The following MTCH2 variants were observed in gnomAD, a reference collection of about 807,000 sequenced individuals.
The protein encoded by MTCH2 is mitochondrial carrier homolog 2.
In MTCH2, 25 loss-of-function variants were observed where a neutral mutation model predicts 50.6. The observed-to-expected ratio is 0.49, with a 90% confidence interval of 0.36 to 0.69. The LOEUF is 0.69. Ranked by LOEUF, MTCH2 falls within the 30% of genes least tolerant of loss-of-function variation. The pLI is 0.00. For synonymous variants in MTCH2, 106 were observed against 132.0 expected (o/e 0.80, Z 1.35); for missense variants, 273 against 384.4 (o/e 0.71, Z 2.42).
the MTCH2 span, among the ~76,000 whole-genome samples, chr11:47,612,020 A>T: frequency 6.6e-6 from 1 of 152,194 alleles, no homozygotes; most frequent in South Asian, 2.1e-4. Context: ...CAGCAAATGT[A>T]TGAGGAAGCT....
chr11:47,625,822 C>A (rs1442861668), intron 10 of MTCH2, 81 bp from the exon 11 acceptor site: 1 of 1,095,982 alleles, frequency 9.1e-7, no homozygotes, highest in Non-Finnish European at 1.4e-6. Flanking sequence ...AGGCCTAGTG[C>A]CACTGCGGTG....
rs755941912 is a variant in MTCH2, at chr11:47,639,017, C to T, written c.122G>A (p.Arg41Gln). ...ACACACTTGCCGCCCAAAAATATTT[C>T]GTCCTATTGTTGGAGGAAGAGGCTC... is the stretch of plus-strand genomic sequence containing the variant. ...GYEPLPPTIG[R>Q]NIFGRQVCQL... Residue 41 changes from arginine (R) to glutamine (Q), a missense_variant, in exon 2 of 13, where the codon CGA becomes CAA. By Grantham distance (43) the Arg-to-Gln change is conservative. Around this residue, in one of 2 missense-constraint regions of MTCH2, gnomAD observed 203 missense variants for 244.3 expected, o/e 0.83. Transcript: ENST00000302503. The T allele has an allele frequency of 1.4e-5, 23 of 1,602,992 alleles. No homozygotes were observed. The highest frequency in any genetic ancestry group is 8.3e-5 in the African/African-American group (6 of 72,078).
chr11:47,610,562 G>T, the MTCH2 span, among the ~76,000 whole-genome samples: 4 of 152,142 alleles, frequency 2.6e-5, 1 homozygote, highest in East Asian at 7.7e-4. Context: ...AAAGTTAGCC[G>T]GGTGTGATGG....
downstream of MTCH2, among the ~76,000 whole-genome samples, chr11:47,613,125 C>A (rs1049481914): frequency 2.2e-4 from 34 of 151,580 alleles, no homozygotes; most frequent in African/African-American, 7.3e-4. Flanking sequence ...CTAGGCTGGT[C>A]TCAAACTCCA....
chr11:47,609,553 G>C, the MTCH2 span, among the ~76,000 whole-genome samples: 1 of 150,016 alleles, frequency 6.7e-6, no homozygotes, highest in African/African-American at 2.5e-5. Flanking sequence ...CTTGAACCCG[G>C]GAGACGGAGG....
At chr11:47,640,496 A>G (rs1241890146) in intron 1 of MTCH2, among the ~76,000 whole-genome samples, 3 of 151,206 alleles carry the variant, frequency 2.0e-5, no homozygotes, top group Non-Finnish European at 2.9e-5. Context: ...GGTCACTGCA[A>G]CCTCCATCTC....
chr11:47,619,339 C>T (rs7116299), intron 12 of MTCH2, among the ~76,000 whole-genome samples: 31,484 of 151,942 alleles, frequency 0.21, 3,744 homozygotes, highest in East Asian at 0.3. Flanking sequence ...CAGGTTCAAG[C>T]GATTCTCCTG....
intron 12 of MTCH2, among the ~76,000 whole-genome samples, chr11:47,622,198 T>C (rs2097293926): frequency 6.6e-6 from 1 of 152,114 alleles, no homozygotes; most frequent in Non-Finnish European, 1.5e-5. Flanking sequence ...TTTGCCTAGA[T>C]AATAAATAAT....
intron 10 of MTCH2, among the ~76,000 whole-genome samples, chr11:47,626,180 GGGA>G (rs1424319930): frequency 6.6e-6 from 1 of 152,014 alleles, no homozygotes; most frequent in Non-Finnish European, 1.5e-5. Flanking sequence ...CCAAGTAGCT[GGGA>G]TTACGGGCAT....
chr11:47,625,829 G>A (rs902133687), intron 10 of MTCH2, 88 bp from the exon 11 acceptor site: 20 of 990,608 alleles, frequency 2.0e-5, no homozygotes, highest in Non-Finnish European at 2.0e-5. Context: ...GTGCCACTGC[G>A]GTGAGACACT....
chr11:47,624,631 T>C (rs1032656048), intron 11 of MTCH2, among the ~76,000 whole-genome samples: 22 of 152,052 alleles, frequency 1.4e-4, no homozygotes, highest in African/African-American at 3.9e-4. Context: ...TGAGACCCTG[T>C]GTCTTCACAA....
At chr11:47,607,601 C>A in the MTCH2 span, among the ~76,000 whole-genome samples, 1 of 152,170 alleles carries the variant, frequency 6.6e-6, no homozygotes, top group Non-Finnish European at 1.5e-5. Context: ...GTGTTTCAAG[C>A]CAGAGTCCTC....
chr11:47,635,811 TG>T (rs1432516193), intron 3 of MTCH2, among the ~76,000 whole-genome samples: 1 of 151,788 alleles, frequency 6.6e-6, no homozygotes, highest in Admixed American at 6.6e-5. Flanking sequence ...GAAAAGCAAA[TG>T]GTCATGAAAA....
rs564671719 is a variant in MTCH2, at chr11:47,621,866, G to A, written c.825+835C>T. Among the ~76,000 whole-genome samples, 159 of 151,966 alleles carry A rather than the reference G, an allele frequency of 1.0e-3. 1 individual carries two copies. Among genetic ancestry groups the A allele is most frequent in the Non-Finnish European group, 1.7e-3 (117 of 67,982 alleles). Reference sequence around the variant, plus strand: ...TAGGCATGAGCCACCATACCTAGCCGTTATTTTATTTTCCTTTTTTGGATA... The same window carrying A: ...TAGGCATGAGCCACCATACCTAGCCATTATTTTATTTTCCTTTTTTGGATA... On this transcript the variant is annotated intron_variant, in intron 12 of 12. Coordinates refer to ENST00000302503, the MANE Select transcript of MTCH2 (RefSeq NM_014342.4).
At chr11:47,629,155 G>A (rs1356375366) in intron 8 of MTCH2, 109 bp from the exon 9 acceptor site, 4 of 951,694 alleles carry the variant, frequency 4.2e-6, no homozygotes, top group African/African-American at 3.3e-5. Context: ...AACATTCTAG[G>A]GAAGTAAAAA....
At chr11:47,632,890 T>G (rs190620626) in intron 5 of MTCH2, among the ~76,000 whole-genome samples, 1 of 149,036 alleles carries the variant, frequency 6.7e-6, no homozygotes, top group Non-Finnish European at 1.5e-5. Context: ...TTAGTAGAGA[T>G]GGGATTTCGC....
chr11:47,623,602 A>T (rs2097295321), intron 11 of MTCH2, among the ~76,000 whole-genome samples: 1 of 152,224 alleles, frequency 6.6e-6, no homozygotes, highest in Non-Finnish European at 1.5e-5. Flanking sequence ...ATCAGAAAAC[A>T]TCACAGCTTG....
chr11:47,612,162 C>A, the MTCH2 span, among the ~76,000 whole-genome samples: 1 of 152,150 alleles, frequency 6.6e-6, no homozygotes, highest in African/African-American at 2.4e-5. Context: ...ACCAGTAATC[C>A]CAGCACTCTG....
chr11:47,625,779 T>C, intron 10 of MTCH2, 38 bp from the exon 11 acceptor site: 2 of 1,529,500 alleles, frequency 1.3e-6, no homozygotes, highest in Non-Finnish European at 1.8e-6. Context: ...ATTAGATCAT[T>C]CCTAGTCTTT....
Sources: allele counts gnomAD v4.1 joint callset (sites outside exome capture counted in the v4.1 genomes callset), GRCh38; gene constraint gnomAD v4.1.1; regional missense constraint gnomAD v4.1.1; transcripts MANE v1.5; gene names NCBI Gene and HGNC (gene_info 2026-07-23, HGNC 2026-07-21).